The following CDH13 variants were observed in gnomAD, a reference collection of about 807,000 sequenced individuals.
CDH13 encodes the protein cadherin-13.
CDH13 carries 24 observed loss-of-function variants against 63.8 expected under a neutral mutation model. The ratio of observed to expected loss-of-function variants is 0.38; its 90% CI spans 0.27 to 0.53. The LOEUF (loss-of-function observed/expected upper bound fraction) is 0.53. Among genes scored for constraint, CDH13 ranks in the 20% least tolerant of loss-of-function variants. The pLI, the probability that CDH13 is intolerant of heterozygous loss-of-function variation, is 0.85. For missense variants in CDH13, 1,049 were observed against 903.1 expected, an observed-to-expected ratio of 1.16 and a Z score of -2.07; for synonymous variants, 503 against 355.3, an observed-to-expected ratio of 1.42 and a Z score of -4.67.
intron 7 of CDH13, among the ~76,000 whole-genome samples, chr16:83,526,868 G>A (rs980091491): frequency 5.9e-5 from 9 of 152,230 alleles, no homozygotes; most frequent in African/African-American, 1.9e-4. Context: ...ATGGTGGCTC[G>A]TGCCCGTAAT....
At chr16:83,511,066 GCA>G (rs1309480477) in intron 7 of CDH13, among the ~76,000 whole-genome samples, 5 of 77,072 alleles carry the variant, frequency 6.5e-5, no homozygotes, top group Non-Finnish European at 1.2e-4. Flanking sequence ...ACACAGACAC[GCA>G]CACACATGCA....
chr16:83,053,845 A>C (rs56795002), intron 3 of CDH13, among the ~76,000 whole-genome samples: 13,114 of 152,174 alleles, frequency 0.086, 783 homozygotes, highest in African/African-American at 0.18. Context: ...ACACATTTCG[A>C]GACCCCGACC....
chr16:83,624,034 G>A (rs1017386159), intron 8 of CDH13, among the ~76,000 whole-genome samples: 2 of 152,162 alleles, frequency 1.3e-5, no homozygotes, highest in African/African-American at 2.4e-5. Context: ...AGGTTCCGGG[G>A]CTTTCCAGCT....
At chr16:83,387,016 A>C (rs2091687418) in intron 6 of CDH13, among the ~76,000 whole-genome samples, 1 of 152,190 alleles carries the variant, frequency 6.6e-6, no homozygotes, top group Non-Finnish European at 1.5e-5. Context: ...GAATTGTGTT[A>C]TATGCCCATC....
chr16:83,093,892 A>G (rs777252729), intron 3 of CDH13, among the ~76,000 whole-genome samples: 1 of 152,206 alleles, frequency 6.6e-6, no homozygotes, highest in Non-Finnish European at 1.5e-5. Flanking sequence ...AAGAAGTGGG[A>G]ACTCCGTAAA....
At chr16:82,952,979 G>A (rs959545498) in intron 2 of CDH13, among the ~76,000 whole-genome samples, 41 of 152,190 alleles carry the variant, frequency 2.7e-4, no homozygotes, top group Admixed American at 2.0e-4. Flanking sequence ...CTAAGCAAAT[G>A]TACTCAGCAC....
chr16:82,996,672 G>T (rs1355825513), intron 2 of CDH13, among the ~76,000 whole-genome samples: 1 of 152,118 alleles, frequency 6.6e-6, no homozygotes, highest in East Asian at 1.9e-4. Flanking sequence ...GGAAATATTA[G>T]GAAATTTATT....
chr16:82,728,394 G>T (rs565425508), intron 1 of CDH13, among the ~76,000 whole-genome samples: 1 of 152,056 alleles, frequency 6.6e-6, no homozygotes, highest in African/African-American at 2.4e-5. Flanking sequence ...TTGCAGGTTT[G>T]GTTCTAGACC....
intron 8 of CDH13, among the ~76,000 whole-genome samples, chr16:83,644,425 A>G (rs562101635): frequency 6.6e-6 from 1 of 152,358 alleles, no homozygotes; most frequent in Admixed American, 6.5e-5. Flanking sequence ...ACAGCAATAA[A>G]AATGCTTGAA....
At chr16:82,710,532 C>CAAAAAA (rs71913517) in intron 1 of CDH13, among the ~76,000 whole-genome samples, 2 of 55,908 alleles carry the variant, frequency 3.6e-5, no homozygotes, top group Non-Finnish European at 3.1e-5. Context: ...GACTCTGTCT[C>CAAAAAA]AAAAAAAAAA....
At chr16:83,619,889 C>T (rs767272451) in intron 8 of CDH13, among the ~76,000 whole-genome samples, 5 of 152,092 alleles carry the variant, frequency 3.3e-5, no homozygotes, top group Non-Finnish European at 7.4e-5. Flanking sequence ...GTGGAGGATG[C>T]AGATGGAAGC....
chr16:83,371,450 A>G (rs1195047768), intron 6 of CDH13, among the ~76,000 whole-genome samples: 1 of 152,128 alleles, frequency 6.6e-6, no homozygotes, highest in Non-Finnish European at 1.5e-5. Context: ...TGGCATACTT[A>G]TACTTTCTGA....
chr16:83,656,382 T>A (rs553827103), intron 8 of CDH13, among the ~76,000 whole-genome samples: 16 of 152,216 alleles, frequency 1.1e-4, no homozygotes, highest in African/African-American at 3.9e-4. Flanking sequence ...TCATGTTAAG[T>A]TTGAGGTGCC....
chr16:83,653,712 C>A (rs761810595), intron 8 of CDH13, among the ~76,000 whole-genome samples: 2 of 152,130 alleles, frequency 1.3e-5, no homozygotes, highest in African/African-American at 4.8e-5. Flanking sequence ...TAGGAATTCT[C>A]TTACCCTGCT....
intron 2 of CDH13, among the ~76,000 whole-genome samples, chr16:83,029,253 A>G (rs1338538986): frequency 2.0e-5 from 3 of 152,132 alleles, no homozygotes; most frequent in African/African-American, 7.2e-5. Context: ...TATGGCTTTC[A>G]CAGTGTGCTA....
intron 7 of CDH13, among the ~76,000 whole-genome samples, chr16:83,596,256 C>T (rs535323929): frequency 2.0e-5 from 3 of 152,278 alleles, no homozygotes; most frequent in Non-Finnish European, 4.4e-5. Context: ...TCCTCATGGG[C>T]AGAGAGAAGC....
chr16:83,464,694 G>C (rs1019228075), intron 6 of CDH13, among the ~76,000 whole-genome samples: 1 of 152,070 alleles, frequency 6.6e-6, no homozygotes, highest in Non-Finnish European at 1.5e-5. Context: ...AAGGCTGGAC[G>C]GAATGCCTGC....
intron 7 of CDH13, among the ~76,000 whole-genome samples, chr16:83,586,883 A>AT (rs1359638674): frequency 7.9e-5 from 12 of 151,958 alleles, no homozygotes; most frequent in African/African-American, 1.7e-4. Flanking sequence ...ATCTTGTGTG[A>AT]TTTTTTTTCC....
intron 7 of CDH13, among the ~76,000 whole-genome samples, chr16:83,491,108 T>C (rs999285290): frequency 1.3e-5 from 2 of 152,228 alleles, no homozygotes; most frequent in Non-Finnish European, 2.9e-5. Flanking sequence ...TACTTTATTA[T>C]AGGTGAAAGC....
Sources: gnomAD v4.1 joint callset for allele counts (sites outside exome capture counted in the v4.1 genomes callset) on GRCh38, gnomAD v4.1.1 for gene constraint, MANE v1.5 for transcripts, NCBI Gene and HGNC (gene_info 2026-07-23, HGNC 2026-07-21) for gene names.